The following SPOCK3 variants were observed in gnomAD, a reference collection of about 807,000 sequenced individuals.
SPOCK3 encodes the protein SPARC (osteonectin), cwcv and kazal like domains proteoglycan 3.
SPOCK3 carries 30 observed loss-of-function variants against 56.6 expected under a neutral mutation model. The observed-to-expected ratio is 0.53, with a 90% CI of 0.40 to 0.72. SPOCK3 has a LOEUF of 0.72. Ranked by LOEUF, SPOCK3 falls within the 30% of genes least tolerant of loss-of-function variation. The pLI is 0.00. For missense variants in SPOCK3, 527 were observed against 530.0 expected, an observed-to-expected ratio of 0.99 and a Z score of 0.06; for synonymous variants, 196 against 183.3, an observed-to-expected ratio of 1.07 and a Z score of -0.56.
chr4:167,131,767 G>A (rs1427317319), intron 2 of SPOCK3, among the ~76,000 whole-genome samples: 2 of 152,116 alleles, frequency 1.3e-5, no homozygotes, highest in South Asian at 4.1e-4. Flanking sequence ...TCATTTGAAA[G>A]CAATTTAAAC....
chr4:167,187,480 C>T (rs1287638180), intron 2 of SPOCK3, among the ~76,000 whole-genome samples: 1 of 152,022 alleles, frequency 6.6e-6, no homozygotes, highest in African/African-American at 2.4e-5. Context: ...TTTTCTCCCT[C>T]ATTTATAACC....
At position 167,022,494 on chromosome 4, in the gene SPOCK3, T is replaced by C. The variant is rs187376715; in HGVS notation, c.236-22031A>G. On this transcript the variant is annotated intron_variant, in intron 3 of 10. Transcript: ENST00000357545. ...GAAGTTCTGGAGAAGACAAATACAC[T>C]GAGTGAGTGACTCAGATGCCCATGG... Among the ~76,000 whole-genome samples the C allele has an allele frequency of 9.1e-4, 138 of 152,122 alleles. 1 individual carries two copies. In the East Asian group the frequency reaches 0.023, roughly 25 times the overall value.
intron 5 of SPOCK3, among the ~76,000 whole-genome samples, chr4:166,901,721 C>T (rs930851695): frequency 2.0e-5 from 3 of 152,044 alleles, no homozygotes; most frequent in African/African-American, 4.8e-5. Context: ...GCAAAAGCCA[C>T]GTTGGATGTA....
chr4:167,143,143 C>T (rs1362138855), intron 2 of SPOCK3, among the ~76,000 whole-genome samples: 1 of 151,966 alleles, frequency 6.6e-6, no homozygotes, highest in Non-Finnish European at 1.5e-5. Flanking sequence ...AAACTGTGTG[C>T]ATACGCTACT....
chr4:166,791,979 T>C (rs772150942), intron 7 of SPOCK3, among the ~76,000 whole-genome samples, 191 bp downstream of exon 7: 7 of 152,214 alleles, frequency 4.6e-5, no homozygotes, highest in Non-Finnish European at 7.3e-5. Flanking sequence ...TTTCCTCCAA[T>C]AAGAGTTGTC....
chr4:166,801,074 C>T (rs1026379108), intron 6 of SPOCK3, among the ~76,000 whole-genome samples: 1 of 152,108 alleles, frequency 6.6e-6, no homozygotes, highest in African/African-American at 2.4e-5. Flanking sequence ...AGATTTGTGG[C>T]CTGGGAGCAA....
intron 2 of SPOCK3, among the ~76,000 whole-genome samples, chr4:167,152,420 G>A (rs1212351506): frequency 2.0e-5 from 3 of 152,022 alleles, no homozygotes; most frequent in Non-Finnish European, 4.4e-5. Flanking sequence ...ATATAACAAC[G>A]AACCATGGAG....
At chr4:166,779,811 G>C (rs72697515) in intron 7 of SPOCK3, among the ~76,000 whole-genome samples, 6,630 of 152,188 alleles carry the variant, frequency 0.044, 207 homozygotes, top group Non-Finnish European at 0.055. Flanking sequence ...CCTAATCATA[G>C]TCAAACTTTC....
chr4:166,946,836 A>G (rs1307076503), intron 4 of SPOCK3, among the ~76,000 whole-genome samples: 1 of 152,218 alleles, frequency 6.6e-6, no homozygotes. Flanking sequence ...CACCTATAAC[A>G]GTATCTGGCA....
intron 3 of SPOCK3, among the ~76,000 whole-genome samples, chr4:167,001,593 C>T (rs765363703): frequency 1.3e-5 from 2 of 152,060 alleles, no homozygotes; most frequent in African/African-American, 2.4e-5. Context: ...TATTGGTGAT[C>T]GTTCATGGTT....
intron 3 of SPOCK3, among the ~76,000 whole-genome samples, chr4:167,045,029 G>A (rs1753589595): frequency 6.6e-6 from 1 of 152,110 alleles, no homozygotes; most frequent in Non-Finnish European, 1.5e-5. Flanking sequence ...CAGTACAATA[G>A]TGAATTCAAC....
chr4:167,029,770 T>C (rs1266892581), intron 3 of SPOCK3, among the ~76,000 whole-genome samples: 1 of 152,076 alleles, frequency 6.6e-6, no homozygotes, highest in Non-Finnish European at 1.5e-5. Context: ...TTTTGTGACA[T>C]TTGTTGCACA....
intron 4 of SPOCK3, among the ~76,000 whole-genome samples, chr4:166,934,657 A>G (rs957792826): frequency 2.6e-5 from 4 of 152,078 alleles, no homozygotes; most frequent in Non-Finnish European, 5.9e-5. Flanking sequence ...TATAATAATA[A>G]TTTATGATTA....
chr4:166,978,440 G>T (rs1238367770), intron 4 of SPOCK3, among the ~76,000 whole-genome samples: 1 of 152,106 alleles, frequency 6.6e-6, no homozygotes, highest in Non-Finnish European at 1.5e-5. Flanking sequence ...TCTATTGTTT[G>T]AACAAAATTT....
At chr4:167,010,028 C>A (rs1444785823) in intron 3 of SPOCK3, among the ~76,000 whole-genome samples, 1 of 151,966 alleles carries the variant, frequency 6.6e-6, no homozygotes, top group Admixed American at 6.6e-5. Context: ...TAAAATTTAA[C>A]TACCAAAGCA....
chr4:166,893,279 A>C (rs1002182876), intron 5 of SPOCK3, among the ~76,000 whole-genome samples: 1 of 152,142 alleles, frequency 6.6e-6, no homozygotes, highest in African/African-American at 2.4e-5. Flanking sequence ...GATCCCTTCC[A>C]TATTTCCCTT....
intron 2 of SPOCK3, among the ~76,000 whole-genome samples, chr4:167,215,581 T>C (rs1476174111): frequency 6.6e-6 from 1 of 152,148 alleles, no homozygotes; most frequent in African/African-American, 2.4e-5. Flanking sequence ...GCAGTGAATG[T>C]GGCGTGAAGA....
intron 2 of SPOCK3, among the ~76,000 whole-genome samples, chr4:167,201,445 T>A (rs986103185): frequency 3.3e-5 from 5 of 151,960 alleles, no homozygotes; most frequent in African/African-American, 1.2e-4. Context: ...TCAGAAGCTG[T>A]CATATCATCC....
intron 2 of SPOCK3, among the ~76,000 whole-genome samples, chr4:167,176,551 T>C (rs1269909972): frequency 6.6e-6 from 1 of 152,144 alleles, no homozygotes; most frequent in Non-Finnish European, 1.5e-5. Flanking sequence ...ATTTTTTTTG[T>C]TGTCAATGTA....
Sources: gnomAD v4.1 joint callset for allele counts (sites outside exome capture counted in the v4.1 genomes callset) on GRCh38, gnomAD v4.1.1 for gene constraint, MANE v1.5 for transcripts, NCBI Gene and HGNC (gene_info 2026-07-23, HGNC 2026-07-21) for gene names.